Variants in EEFSEC observed in about 807,000 individuals in gnomAD.
The protein encoded by EEFSEC is selenocysteine-specific elongation factor.
In EEFSEC, 43 loss-of-function variants were observed where a neutral mutation model predicts 42.1. That is an observed-to-expected ratio of 1.02 (90% CI 0.80 to 1.32). The LOEUF is 1.32. EEFSEC is among the 40% of genes most tolerant of loss of function. The probability of loss-of-function intolerance (pLI) is 0.00; values close to 1 mark genes in which losing one functional copy is unlikely to be tolerated. For missense variants in EEFSEC, 745 were observed against 803.6 expected, an observed-to-expected ratio of 0.93 and a Z score of 0.88; for synonymous variants, 354 against 339.1, an observed-to-expected ratio of 1.04 and a Z score of -0.48.
intron 2 of EEFSEC, among the ~76,000 whole-genome samples, chr3:128,248,173 T>A (rs1202187366): frequency 6.6e-6 from 1 of 152,196 alleles, no homozygotes; most frequent in Non-Finnish European, 1.5e-5. Flanking sequence ...TCTAGGCCAG[T>A]CCCTTTTGAT....
At chr3:128,411,654 G>A (rs982726380), downstream of EEFSEC, among the ~76,000 whole-genome samples, 3 of 152,198 alleles carry the variant, frequency 2.0e-5, no homozygotes, top group Non-Finnish European at 4.4e-5. Flanking sequence ...GAGGGGCAGC[G>A]GTGATTGGCA....
chr3:128,248,506 A>G (rs931335479), intron 2 of EEFSEC, among the ~76,000 whole-genome samples: 2 of 152,242 alleles, frequency 1.3e-5, no homozygotes, highest in Non-Finnish European at 2.9e-5. Flanking sequence ...TAAAATCGAC[A>G]CATTTAGATA....
At chr3:128,292,441 G>A (rs1260149646) in intron 4 of EEFSEC, among the ~76,000 whole-genome samples, 4 of 151,602 alleles carry the variant, frequency 2.6e-5, no homozygotes, top group African/African-American at 9.7e-5. Context: ...GAAGCTATGA[G>A]GGCATATAGT....
At chr3:128,216,828 T>C (rs1206322337) in intron 1 of EEFSEC, among the ~76,000 whole-genome samples, 1 of 152,162 alleles carries the variant, frequency 6.6e-6, no homozygotes, top group East Asian at 1.9e-4. Context: ...CAGTGGGCTA[T>C]AGGTAGGACA....
chr3:128,407,616 C>A (rs1210349019), intron 6 of EEFSEC, among the ~76,000 whole-genome samples: 1 of 152,222 alleles, frequency 6.6e-6, no homozygotes, highest in Non-Finnish European at 1.5e-5. Flanking sequence ...TTCCCACACT[C>A]TGGCCTGTTG....
At position 128,367,895 on chromosome 3, in the gene EEFSEC, T is replaced by G. The variant is rs1463312939; in HGVS notation, c.1600+9522T>G. 3 of 969,016 alleles carry G rather than the reference T, an allele frequency of 3.1e-6. No individual in the cohort carries two copies. The East Asian group carries it at 3.4e-4, about 111-fold the overall frequency. 60.0% of individuals were successfully genotyped at this position (969,016 alleles called of 1,614,324 possible). ...CTGACTCCAGCTCAGGCTAGGGCTC[T>G]GCTGAAAAGCTGCCTCCTGCGATCA... On this transcript the variant is annotated intron_variant, in intron 6 of 6. Transcript: ENST00000254730.
At chr3:128,284,368 A>T (rs1042047639) in intron 4 of EEFSEC, among the ~76,000 whole-genome samples, 3 of 151,992 alleles carry the variant, frequency 2.0e-5, no homozygotes, top group Non-Finnish European at 4.4e-5. Flanking sequence ...GATTGGAGCT[A>T]TAGAAATGCA....
intron 1 of EEFSEC, among the ~76,000 whole-genome samples, chr3:128,154,590 C>T (rs903851724): frequency 2.0e-5 from 3 of 152,038 alleles, no homozygotes; most frequent in African/African-American, 7.2e-5. Context: ...GCTGGGATTA[C>T]AGGCGCGCGC....
chr3:128,322,859 C>T (rs1454899315), intron 4 of EEFSEC, among the ~76,000 whole-genome samples: 1 of 152,178 alleles, frequency 6.6e-6, no homozygotes, highest in African/African-American at 2.4e-5. Flanking sequence ...CCTGCTGGTC[C>T]TCTGGTCTTT....
intron 4 of EEFSEC, among the ~76,000 whole-genome samples, chr3:128,341,030 TG>T (rs2067243895): frequency 6.6e-6 from 1 of 152,188 alleles, no homozygotes; most frequent in Non-Finnish European, 1.5e-5. Flanking sequence ...CCTGCTTTGC[TG>T]GCGGCCCTCG....
At chr3:128,177,682 TC>T (rs2065364994) in intron 1 of EEFSEC, among the ~76,000 whole-genome samples, 1 of 152,062 alleles carries the variant, frequency 6.6e-6, no homozygotes, top group African/African-American at 2.4e-5. Flanking sequence ...CCAAAGAATC[TC>T]CCCCCGTTCA....
chr3:128,413,462 C>G (rs1438655049), downstream of EEFSEC, among the ~76,000 whole-genome samples: 1 of 152,154 alleles, frequency 6.6e-6, no homozygotes, highest in Non-Finnish European at 1.5e-5. Flanking sequence ...TACCTCCCAC[C>G]TGGCAGTGTG....
At chr3:128,165,151 C>G (rs977697276) in intron 1 of EEFSEC, among the ~76,000 whole-genome samples, 1 of 152,184 alleles carries the variant, frequency 6.6e-6, no homozygotes, top group Non-Finnish European at 1.5e-5. Context: ...CCCAGCCAGT[C>G]TCCTAGGGAG....
At chr3:128,269,047 TGGGCTTCTG>T (rs2066386469) in intron 4 of EEFSEC, among the ~76,000 whole-genome samples, 1 of 152,210 alleles carries the variant, frequency 6.6e-6, no homozygotes, top group Non-Finnish European at 1.5e-5. Flanking sequence ...CTCACCATCT[TGGGCTTCTG>T]GGGGCAACAT....
chr3:128,401,069 C>A (rs1313230905), intron 6 of EEFSEC, among the ~76,000 whole-genome samples: 1 of 152,168 alleles, frequency 6.6e-6, no homozygotes, highest in Non-Finnish European at 1.5e-5. Context: ...AAAAGAGGCC[C>A]TACTGAATGA....
At chr3:128,231,753 C>T (rs1444691063) in intron 1 of EEFSEC, among the ~76,000 whole-genome samples, 1 of 152,060 alleles carries the variant, frequency 6.6e-6, no homozygotes, top group East Asian at 1.9e-4. Context: ...GCCTGTTGTT[C>T]CTGGTTGGTT....
chr3:128,314,602 C>T (rs2066925151), intron 4 of EEFSEC, among the ~76,000 whole-genome samples: 1 of 152,180 alleles, frequency 6.6e-6, no homozygotes, highest in African/African-American at 2.4e-5. Context: ...CCTGTGCCTC[C>T]CAAAGTGTTG....
At chr3:128,183,038 T>C (rs2065428548) in intron 1 of EEFSEC, among the ~76,000 whole-genome samples, 1 of 152,232 alleles carries the variant, frequency 6.6e-6, no homozygotes, top group South Asian at 2.1e-4. Context: ...ATTCTAGTTT[T>C]ACCATTTTAC....
intron 6 of EEFSEC, among the ~76,000 whole-genome samples, chr3:128,387,955 C>T (rs1396500608): frequency 6.6e-6 from 1 of 152,158 alleles, no homozygotes; most frequent in Non-Finnish European, 1.5e-5. Flanking sequence ...GCTATTTAGG[C>T]ATGAGGGTGC....
Sources: gnomAD v4.1 joint callset for allele counts (sites outside exome capture counted in the v4.1 genomes callset) on GRCh38, gnomAD v4.1.1 for gene constraint, MANE v1.5 for transcripts, NCBI Gene and HGNC (gene_info 2026-07-23, HGNC 2026-07-21) for gene names.